TESK2: variants seen among roughly 807,000 people sequenced by gnomAD.
The protein encoded by TESK2 is testis associated actin remodelling kinase 2.
TESK2 carries 39 observed loss-of-function variants against 57.1 expected under a neutral mutation model. The observed-to-expected ratio is 0.68, with a 90% CI of 0.53 to 0.89. The LOEUF is 0.89. Ranked by LOEUF, TESK2 falls within the 40% of genes least tolerant of loss-of-function variation. TESK2 has a pLI of 0.00. For missense variants in TESK2, 646 were observed against 732.1 expected (o/e 0.88, Z 1.36); for synonymous variants, 249 against 267.9 (o/e 0.93, Z 0.69).
At chr1:45,440,981 A>G (rs1013700671) in intron 2 of TESK2, among the ~76,000 whole-genome samples, 2 of 152,176 alleles carry the variant, frequency 1.3e-5, no homozygotes, top group African/African-American at 4.8e-5. Context: ...TCCCCAGCTG[A>G]ACTTCACATA....
chr1:45,481,425 C>T (rs1377729619), intron 1 of TESK2, among the ~76,000 whole-genome samples: 1 of 151,990 alleles, frequency 6.6e-6, no homozygotes, highest in Non-Finnish European at 1.5e-5. Context: ...CCATGGGCAA[C>T]TGTACATGAA....
intron 3 of TESK2, among the ~76,000 whole-genome samples, chr1:45,413,577 T>TTCTC (rs1557563282): frequency 6.6e-6 from 1 of 152,202 alleles, no homozygotes; most frequent in African/African-American, 2.4e-5. Flanking sequence ...TTCTTTTTCT[T>TTCTC]TTTCTTTCTT....
intron 1 of TESK2, among the ~76,000 whole-genome samples, chr1:45,471,865 C>A (rs939263074): frequency 1.3e-5 from 2 of 152,126 alleles, no homozygotes; most frequent in African/African-American, 4.8e-5. Flanking sequence ...CACACTACAG[C>A]CTCGAACTCC....
At chr1:45,477,549 G>A (rs919023703) in intron 1 of TESK2, among the ~76,000 whole-genome samples, 1 of 150,910 alleles carries the variant, frequency 6.6e-6, no homozygotes, top group African/African-American at 2.4e-5. Flanking sequence ...TTGAACCTGG[G>A]AGACGGTGGT....
intron 4 of TESK2, among the ~76,000 whole-genome samples, chr1:45,363,270 C>T (rs1025722619): frequency 3.9e-5 from 6 of 152,178 alleles, no homozygotes; most frequent in African/African-American, 1.2e-4. Flanking sequence ...ATCATTCTCA[C>T]GCCTCCCTTA....
chr1:45,480,561 T>A (rs4660860), intron 1 of TESK2, among the ~76,000 whole-genome samples: 111,854 of 151,762 alleles, frequency 0.74, 41,650 homozygotes, highest in East Asian at 0.93. Context: ...ACAGCATTGT[T>A]TATAATATCA....
chr1:45,358,173 C>T (rs555505760), intron 4 of TESK2, among the ~76,000 whole-genome samples: 7 of 151,612 alleles, frequency 4.6e-5, no homozygotes, highest in Admixed American at 6.6e-5. Flanking sequence ...ATTAGCCGGG[C>T]GTGGTTGCAG....
intron 4 of TESK2, among the ~76,000 whole-genome samples, chr1:45,368,568 T>G (rs1004984309): frequency 2.0e-5 from 3 of 151,676 alleles, no homozygotes; most frequent in African/African-American, 4.8e-5. Context: ...AGAGACGAGG[T>G]TTCACCTTAT....
intron 2 of TESK2, among the ~76,000 whole-genome samples, chr1:45,453,945 A>AC: frequency 6.6e-6 from 1 of 152,276 alleles, no homozygotes; most frequent in East Asian, 1.9e-4. Flanking sequence ...TGTTTAGAAA[A>AC]ATGCAAATCA....
intron 3 of TESK2, among the ~76,000 whole-genome samples, chr1:45,407,933 A>AAT (rs1034918834): frequency 4.6e-5 from 7 of 152,184 alleles, no homozygotes; most frequent in Non-Finnish European, 7.3e-5. Context: ...CATATCAGGA[A>AAT]ATACATAAGT....
intron 4 of TESK2, among the ~76,000 whole-genome samples, chr1:45,365,289 G>A (rs2149268228): frequency 6.6e-6 from 1 of 152,214 alleles, no homozygotes; most frequent in South Asian, 2.1e-4. Context: ...GCTCCAGGAG[G>A]TTCACCAGGG....
At chr1:45,478,200 T>C (rs1011326749) in intron 1 of TESK2, among the ~76,000 whole-genome samples, 3 of 152,216 alleles carry the variant, frequency 2.0e-5, no homozygotes, top group African/African-American at 7.2e-5. Flanking sequence ...GCATGTAATA[T>C]TCTTTCTCCC....
At position 45,355,448 on chromosome 1, in the gene TESK2, T is replaced by C. The variant is rs1355620972; in HGVS notation, c.395A>G (p.Tyr132Cys). ...CTGTTCCAGGTTCCCGGAGTTGATATACTGCAAAACAGAAGGAAAACCCAG... is the reference window on the plus strand; with the variant it reads ...CTGTTCCAGGTTCCCGGAGTTGATACACTGCAAAACAGAAGGAAAACCCAG... ...HQGQLHALTEYINSGNLEQLL... is the reference protein window; with the variant it reads ...HQGQLHALTECINSGNLEQLL... Residue 132 changes from tyrosine to cysteine, a missense_variant and splice_region_variant, in exon 5 of 11, where the codon TAT becomes TGT. Transcript: ENST00000372086. 5.0e-6 allele frequency: 8 copies of C among 1,605,816 alleles called. No individual in the cohort carries two copies. The Admixed American group carries it at 8.6e-5, about 17-fold the overall frequency.
chr1:45,403,469 A>G (rs1460267281), intron 3 of TESK2, among the ~76,000 whole-genome samples: 2 of 152,124 alleles, frequency 1.3e-5, no homozygotes, highest in Non-Finnish European at 2.9e-5. Flanking sequence ...ACAGACATTA[A>G]CCACCAGAGT....
intron 2 of TESK2, among the ~76,000 whole-genome samples, chr1:45,425,646 C>G (rs560377303): frequency 6.6e-6 from 1 of 151,764 alleles, no homozygotes; most frequent in Non-Finnish European, 1.5e-5. Flanking sequence ...CAGAGCAAGA[C>G]TGTCTCAAAA....
chr1:45,481,585 C>T (rs922288487), intron 1 of TESK2, among the ~76,000 whole-genome samples: 6 of 152,086 alleles, frequency 3.9e-5, no homozygotes, highest in Admixed American at 2.6e-4. Flanking sequence ...CCCACATCAG[C>T]CTCTGGAGTA....
intron 5 of TESK2, among the ~76,000 whole-genome samples, chr1:45,351,336 T>C (rs1647228267): frequency 6.6e-6 from 1 of 152,268 alleles, no homozygotes; most frequent in Non-Finnish European, 1.5e-5. Context: ...TTCTTGGCCT[T>C]GCCACTGCAA....
At chr1:45,360,246 G>T (rs970349794) in intron 4 of TESK2, among the ~76,000 whole-genome samples, 1 of 152,186 alleles carries the variant, frequency 6.6e-6, no homozygotes, top group African/African-American at 2.4e-5. Context: ...GAACTTCAGG[G>T]TTATAAGTGG....
At chr1:45,459,728 A>G (rs1652256922) in intron 1 of TESK2, among the ~76,000 whole-genome samples, 1 of 152,212 alleles carries the variant, frequency 6.6e-6, no homozygotes, top group African/African-American at 2.4e-5. Context: ...CTGTAGTCCC[A>G]GCTACACAGG....
Sources: allele counts gnomAD v4.1 joint callset (sites outside exome capture counted in the v4.1 genomes callset), GRCh38; gene constraint gnomAD v4.1.1; transcripts MANE v1.5; gene names NCBI Gene and HGNC (gene_info 2026-07-23, HGNC 2026-07-21).